Variants in DNM3 observed in about 807,000 individuals in gnomAD.
The protein encoded by DNM3 is dynamin-3.
Under a neutral mutation model 101.6 loss-of-function variants are expected in DNM3, and 47 were observed. The observed-to-expected ratio is 0.46, with a 90% confidence interval of 0.37 to 0.59. The LOEUF (loss-of-function observed/expected upper bound fraction) is 0.59. Among genes scored for constraint, DNM3 ranks in the 20% least tolerant of loss-of-function variants. The pLI, the probability that DNM3 is intolerant of heterozygous loss-of-function variation, is 0.00. For synonymous variants in DNM3, 385 were observed against 387.9 expected, an observed-to-expected ratio of 0.99 and a Z score of 0.09; for missense variants, 849 against 1,085.7, an observed-to-expected ratio of 0.78 and a Z score of 3.06.
At chr1:172,205,322 A>G (rs962059685) in intron 14 of DNM3, among the ~76,000 whole-genome samples, 19 of 152,082 alleles carry the variant, frequency 1.2e-4, no homozygotes, top group Non-Finnish European at 2.2e-4. Flanking sequence ...CTTTGCCTTT[A>G]TTCAAGCTAG....
Position 172,033,260 on chromosome 1 carries a change from A to C in DNM3, c.844A>C (p.Asn282His), listed in dbSNP as rs1558456667. 6.3e-7 allele frequency: 1 copy of C among 1,594,448 alleles called. No homozygotes were observed. The highest frequency in any genetic ancestry group is 1.3e-5 in the African/African-American group (1 of 74,582). The change falls in exon 6 of 21, where the codon AAT becomes CAT. Residue 282 changes from asparagine (N) to histidine (H), a missense_variant. This residue lies in a region of DNM3 where 388 missense variants were observed against 483.0 expected (regional missense o/e 0.80). Coordinates refer to ENST00000627582, the MANE Select transcript of DNM3 (RefSeq NM_015569.5). ...MGTPHLQKVLNQQLTNHIRDT... is the reference protein window; with the variant it reads ...MGTPHLQKVLHQQLTNHIRDT... ...AACCCCACACCTGCAGAAGGTCCTT[A>C]ATCAGGTAAAAATGTTCTTTCAAGC...
intron 15 of DNM3, among the ~76,000 whole-genome samples, chr1:172,306,225 TTATA>T (rs982273158): frequency 2.0e-4 from 30 of 152,236 alleles, no homozygotes; most frequent in African/African-American, 7.2e-4. Flanking sequence ...ACAAGCATTC[TTATA>T]CACCAGTAAC....
intron 1 of DNM3, among the ~76,000 whole-genome samples, chr1:171,844,448 T>G (rs1349559106): frequency 6.6e-5 from 10 of 152,214 alleles, no homozygotes; most frequent in Admixed American, 2.6e-4. Context: ...TTCTCAACAA[T>G]CCTCATTTAG....
chr1:172,174,191 A>C (rs1447601517), intron 14 of DNM3, among the ~76,000 whole-genome samples: 1 of 151,674 alleles, frequency 6.6e-6, no homozygotes, highest in Admixed American at 6.6e-5. Context: ...ATTAGAAAAT[A>C]TTTCTTAAAA....
At position 172,408,573 on chromosome 1, in the gene DNM3, GA is replaced by G; in HGVS notation, c.*734del. On this transcript the variant is annotated 3_prime_UTR_variant, in exon 21 of 21. Transcript: ENST00000627582. ...CTAATTAGTTTCAGAGTTCAAGGAAGAAGCAAAATATCACATCTCTAGAAGT... is the reference window on the plus strand; with the variant it reads ...CTAATTAGTTTCAGAGTTCAAGGAAGAGCAAAATATCACATCTCTAGAAGT... 3.0e-6 allele frequency: 3 copies of G among 985,228 alleles called. No homozygotes were observed. The highest frequency in any genetic ancestry group is 3.6e-6 in the Non-Finnish European group (3 of 829,798). 61.0% of individuals were successfully genotyped at this position (985,228 alleles called of 1,614,324 possible). A position where few individuals can be genotyped will look rare whatever the true frequency, so the allele number is the denominator to read the frequency against.
At chr1:172,322,563 G>A (rs2065767603) in intron 16 of DNM3, among the ~76,000 whole-genome samples, 4 of 152,156 alleles carry the variant, frequency 2.6e-5, no homozygotes, top group Admixed American at 2.6e-4. Context: ...GCTGCTGGCG[G>A]TTCTGTGTCT....
rs1571257477 is a variant in DNM3, at chr1:171,854,469, G to C, written c.161+12652G>C. Among the ~76,000 whole-genome samples, 3 of 152,218 alleles carry C rather than the reference G, an allele frequency of 2.0e-5. No individual in the cohort carries two copies. In the South Asian group the frequency reaches 6.2e-4, roughly 32 times the overall value. On this transcript the variant is annotated intron_variant, in intron 1 of 20. Coordinates refer to ENST00000627582, the MANE Select transcript of DNM3 (RefSeq NM_015569.5). ...GGTGCCTTTAGAGGTGCAGTGTTCT[G>C]GATGATCAAAGGAAAAGAGCAATTT...
At chr1:171,948,831 A>G (rs1198145868) in intron 2 of DNM3, among the ~76,000 whole-genome samples, 6 of 152,174 alleles carry the variant, frequency 3.9e-5, no homozygotes, top group Admixed American at 3.9e-4. Context: ...CAACTAAATT[A>G]TGAAAATGAT....
intron 2 of DNM3, among the ~76,000 whole-genome samples, chr1:171,933,278 G>C (rs2041170475): frequency 6.6e-6 from 1 of 152,070 alleles, no homozygotes; most frequent in South Asian, 2.1e-4. Context: ...AGCGATCTGG[G>C]GTGTGTGTTC....
chr1:172,301,483 CAGAG>C (rs1474022345), intron 15 of DNM3, among the ~76,000 whole-genome samples: 1 of 152,160 alleles, frequency 6.6e-6, no homozygotes, highest in African/African-American at 2.4e-5. Flanking sequence ...GCTCAGGCAA[CAGAG>C]AGACATCCTG....
intron 2 of DNM3, among the ~76,000 whole-genome samples, chr1:171,961,254 A>C (rs914118246): frequency 6.6e-6 from 1 of 152,198 alleles, no homozygotes; most frequent in African/African-American, 2.4e-5. Flanking sequence ...AGTGCACTCC[A>C]GCCTGGGTAG....
chr1:171,878,791 CA>C (rs2036008167), intron 1 of DNM3, among the ~76,000 whole-genome samples: 1 of 152,022 alleles, frequency 6.6e-6, no homozygotes, highest in East Asian at 1.9e-4. Context: ...AAGCAGATTC[CA>C]ACTACTTCAA....
chr1:172,030,599 C>A (rs577131715), intron 4 of DNM3, among the ~76,000 whole-genome samples: 1 of 152,140 alleles, frequency 6.6e-6, no homozygotes, highest in Non-Finnish European at 1.5e-5. Flanking sequence ...AAACTATCAT[C>A]AGAGTGAACA....
chr1:172,269,304 T>C (rs1253911350), intron 15 of DNM3, among the ~76,000 whole-genome samples: 1 of 152,180 alleles, frequency 6.6e-6, no homozygotes, highest in Non-Finnish European at 1.5e-5. Flanking sequence ...CTCCACCTAT[T>C]TTCCGGAACA....
chr1:172,281,067 TTGTGTGTG>T (rs141875053), intron 15 of DNM3, among the ~76,000 whole-genome samples: 1 of 148,612 alleles, frequency 6.7e-6, no homozygotes, highest in Non-Finnish European at 1.5e-5. Context: ...TGTGATAATA[TTGTGTGTG>T]TGTGTGTGTG....
At chr1:171,927,989 T>G (rs913518046) in intron 2 of DNM3, among the ~76,000 whole-genome samples, 7 of 152,194 alleles carry the variant, frequency 4.6e-5, no homozygotes, top group African/African-American at 1.4e-4. Context: ...TTAACTACAG[T>G]GTAGATTGAA....
chr1:171,934,869 A>G (rs1014603575), intron 2 of DNM3, among the ~76,000 whole-genome samples: 1 of 152,234 alleles, frequency 6.6e-6, no homozygotes, highest in Admixed American at 6.5e-5. Context: ...GAGCATAATC[A>G]GCATTATCAG....
chr1:171,893,967 G>A (rs2037529331), intron 1 of DNM3, among the ~76,000 whole-genome samples: 1 of 151,920 alleles, frequency 6.6e-6, no homozygotes, highest in South Asian at 2.1e-4. Context: ...GGGATTATAG[G>A]CACGCACTGC....
chr1:172,188,174 A>G (rs1283808758), intron 14 of DNM3, among the ~76,000 whole-genome samples: 1 of 152,254 alleles, frequency 6.6e-6, no homozygotes, highest in South Asian at 2.1e-4. Flanking sequence ...TTGAAAATCC[A>G]TCAATTTGTC....
Sources: allele counts gnomAD v4.1 joint callset (sites outside exome capture counted in the v4.1 genomes callset), GRCh38; gene constraint gnomAD v4.1.1; regional missense constraint gnomAD v4.1.1; transcripts MANE v1.5; gene names NCBI Gene and HGNC (gene_info 2026-07-23, HGNC 2026-07-21).